FAT3: variants seen among roughly 807,000 people sequenced by gnomAD.
FAT3 encodes the protein FAT atypical cadherin 3.
A neutral mutation model predicts 310.2 loss-of-function variants in FAT3; 95 were observed. That is an observed-to-expected ratio of 0.31 (90% CI 0.26 to 0.36). The LOEUF (loss-of-function observed/expected upper bound fraction) is 0.36, where lower values mean the gene tolerates loss of function less well. Among genes scored for constraint, FAT3 ranks in the 10% least tolerant of loss-of-function variants. The probability of loss-of-function intolerance (pLI) is 1.00; values close to 1 mark genes in which losing one functional copy is unlikely to be tolerated. For synonymous variants in FAT3, 2,314 were observed against 2,192.9 expected (o/e 1.06, Z -1.54); for missense variants, 5,408 against 5,715.6 (o/e 0.95, Z 1.74).
chr11:92,630,867 A>G (rs1373533972), intron 3 of FAT3, among the ~76,000 whole-genome samples: 2 of 152,200 alleles, frequency 1.3e-5, no homozygotes, highest in African/African-American at 4.8e-5. Flanking sequence ...CCATATTCTC[A>G]GCTAGTAGCA....
At chr11:92,771,179 C>T (rs745323181) in intron 6 of FAT3, among the ~76,000 whole-genome samples, 3 of 152,140 alleles carry the variant, frequency 2.0e-5, no homozygotes, top group African/African-American at 7.2e-5. Flanking sequence ...TTGAGCCTAA[C>T]GCTGCTGCAC....
chr11:92,226,985 C>T (rs1021334159), intron 1 of FAT3, among the ~76,000 whole-genome samples: 2 of 152,182 alleles, frequency 1.3e-5, no homozygotes, highest in Non-Finnish European at 2.9e-5. Flanking sequence ...TCAGACAAAC[C>T]CGCGAGAACC....
chr11:92,646,083 G>A (rs962337435), intron 3 of FAT3, among the ~76,000 whole-genome samples: 4 of 152,210 alleles, frequency 2.6e-5, no homozygotes, highest in South Asian at 2.1e-4. Context: ...CATTTCATTC[G>A]ATTTCAAGAT....
chr11:92,377,676 G>T (rs1041272958), intron 2 of FAT3, among the ~76,000 whole-genome samples: 1 of 152,122 alleles, frequency 6.6e-6, no homozygotes, highest in Admixed American at 6.6e-5. Flanking sequence ...CTGCCTGATT[G>T]TAGGCTCCTT....
chr11:92,524,453 T>A (rs1382795776), intron 2 of FAT3, among the ~76,000 whole-genome samples, 181 bp from the exon 3 acceptor site: 1 of 152,214 alleles, frequency 6.6e-6, no homozygotes, highest in East Asian at 1.9e-4. Context: ...AACTATTTAA[T>A]CTGGTCCTGC....
At chr11:92,410,327 C>A (rs143569079) in intron 2 of FAT3, among the ~76,000 whole-genome samples, 1 of 151,602 alleles carries the variant, frequency 6.6e-6, no homozygotes, top group Admixed American at 6.6e-5. Context: ...TGTGTGTGCA[C>A]GCGAGTGAGA....
chr11:92,262,000 A>T lies in FAT3; in HGVS notation c.-18+36826A>T, dbSNP rs562428358. ...CATATTTACTCTCTCTTTTTTTTTT[A>T]AATTCTGAGGTCTCTCGAACAATAA... On this transcript the variant is annotated intron_variant, in intron 1 of 27. Transcript: ENST00000525166. 3.1e-3 allele frequency among the ~76,000 whole-genome samples: 462 copies of T among 150,028 alleles called. 1 individual carries two copies. The highest frequency in any genetic ancestry group is 0.01 in the Middle Eastern group (3 of 292).
At chr11:92,244,538 T>C (rs1211115629) in intron 1 of FAT3, among the ~76,000 whole-genome samples, 5 of 152,114 alleles carry the variant, frequency 3.3e-5, no homozygotes, top group Non-Finnish European at 5.9e-5. Context: ...GCAAGCACAG[T>C]AGAGCTTTAA....
At chr11:92,783,314 C>T (rs556392518) in intron 7 of FAT3, among the ~76,000 whole-genome samples, 127 of 137,950 alleles carry the variant, frequency 9.2e-4, no homozygotes, top group Non-Finnish European at 1.6e-3. Context: ...GCCAAGACCA[C>T]GCCATTGCAC....
chr11:92,291,135 A>G (rs369788365), intron 1 of FAT3, among the ~76,000 whole-genome samples: 2 of 136,944 alleles, frequency 1.5e-5, no homozygotes, highest in East Asian at 2.3e-4. Flanking sequence ...GCGCAGAAGT[A>G]GGTGGGTATT....
At chr11:92,863,795 A>G (rs561688876) in intron 21 of FAT3, among the ~76,000 whole-genome samples, 537 of 152,354 alleles carry the variant, frequency 3.5e-3, no homozygotes, top group Non-Finnish European at 6.2e-3. Context: ...ATAAGAGAAC[A>G]TAGACATGAA....
chr11:92,817,862 T>G (rs778183173), intron 13 of FAT3, among the ~76,000 whole-genome samples: 1 of 152,236 alleles, frequency 6.6e-6, no homozygotes, highest in Non-Finnish European at 1.5e-5. Context: ...ACATCTCGCC[T>G]TTTTTGTCTG....
At chr11:92,751,488 G>A (rs1026654383) in intron 4 of FAT3, among the ~76,000 whole-genome samples, 2 of 152,118 alleles carry the variant, frequency 1.3e-5, no homozygotes, top group African/African-American at 2.4e-5. Flanking sequence ...TTTGTGAGAG[G>A]GAGCTGATGA....
At chr11:92,404,641 T>G (rs1189408124) in intron 2 of FAT3, among the ~76,000 whole-genome samples, 1 of 151,840 alleles carries the variant, frequency 6.6e-6, no homozygotes, top group Non-Finnish European at 1.5e-5. Flanking sequence ...ATGGCTAATT[T>G]TATGTGTCCA....
chr11:92,311,055 CACAT>C (rs1353817218), intron 1 of FAT3, among the ~76,000 whole-genome samples: 1 of 150,992 alleles, frequency 6.6e-6, no homozygotes, highest in Non-Finnish European at 1.5e-5. Context: ...TATATACACA[CACAT>C]ATATGTGTAC....
chr11:92,713,855 C>T (rs1944597573), intron 4 of FAT3, among the ~76,000 whole-genome samples: 1 of 152,176 alleles, frequency 6.6e-6, no homozygotes, highest in African/African-American at 2.4e-5. Context: ...TCATAATTTT[C>T]TGTTGCAAAG....
intron 23 of FAT3, among the ~76,000 whole-genome samples, chr11:92,881,529 G>A (rs1172211196): frequency 1.3e-5 from 2 of 152,216 alleles, no homozygotes; most frequent in East Asian, 3.9e-4. Flanking sequence ...ATTTTGAATC[G>A]TTGGATGTAA....
At chr11:92,270,933 C>T (rs918654646) in intron 1 of FAT3, among the ~76,000 whole-genome samples, 2 of 152,068 alleles carry the variant, frequency 1.3e-5, no homozygotes, top group African/African-American at 2.4e-5. Context: ...CTCTTTCCCT[C>T]ATTTTTTACA....
intron 1 of FAT3, among the ~76,000 whole-genome samples, chr11:92,239,154 G>A (rs1034406934): frequency 6.6e-6 from 1 of 152,022 alleles, no homozygotes; most frequent in Non-Finnish European, 1.5e-5. Context: ...CATTGTTCAG[G>A]AGGTGTCAGA....
Sources: allele counts gnomAD v4.1 joint callset (sites outside exome capture counted in the v4.1 genomes callset), GRCh38; gene constraint gnomAD v4.1.1; transcripts MANE v1.5; gene names NCBI Gene and HGNC (gene_info 2026-07-23, HGNC 2026-07-21).